The following MPZL1 variants were observed in gnomAD, a reference collection of about 807,000 sequenced individuals.
MPZL1 encodes myelin protein zero like 1, also known as myelin protein zero-like protein 1.
A neutral mutation model predicts 29.3 loss-of-function variants in MPZL1; 16 were observed. The ratio of observed to expected loss-of-function variants is 0.55; its 90% CI spans 0.37 to 0.83. The LOEUF is 0.83. Among genes scored for constraint, MPZL1 ranks in the 40% least tolerant of loss-of-function variants. The pLI is 0.00. For synonymous variants in MPZL1, 143 were observed against 132.0 expected, an observed-to-expected ratio of 1.08 and a Z score of -0.57; for missense variants, 279 against 332.9, an observed-to-expected ratio of 0.84 and a Z score of 1.26.
At chr1:167,736,509 C>T (rs1219248263) in intron 1 of MPZL1, among the ~76,000 whole-genome samples, 2 of 152,132 alleles carry the variant, frequency 1.3e-5, no homozygotes, top group Non-Finnish European at 2.9e-5. Flanking sequence ...TGTGCTTCCT[C>T]CGGCATGCCA....
intron 1 of MPZL1, among the ~76,000 whole-genome samples, chr1:167,727,393 A>T (rs771356248): frequency 3.5e-4 from 54 of 152,326 alleles, no homozygotes; most frequent in Non-Finnish European, 7.1e-4. Context: ...TGTAAGACAT[A>T]CATCTCATGT....
chr1:167,764,276 C>T (rs765215624), intron 1 of MPZL1, among the ~76,000 whole-genome samples: 1 of 152,028 alleles, frequency 6.6e-6, no homozygotes, highest in Non-Finnish European at 1.5e-5. Flanking sequence ...TTGGCAAATA[C>T]TTTTAACAGC....
chr1:167,776,166 G>A lies in MPZL1; in HGVS notation c.708G>A (p.Gln236=). 6.2e-7 allele frequency: 1 copy of A among 1,608,712 alleles called. No individual in the cohort carries two copies. Reference sequence around the variant, plus strand: ...AGAGTCTGCCTTCTGGATCTCACCAGGTAATGGCTGATTGCGATTCTGCCC... The same window carrying A: ...AGAGTCTGCCTTCTGGATCTCACCAAGTAATGGCTGATTGCGATTCTGCCC... ...LVKSLPSGSH[Q]GPVIYAQLDH... Residue 236 remains glutamine, a splice_region_variant and synonymous_variant, in exon 5 of 6, where the codon CAG becomes CAA. Transcript: ENST00000359523.
At chr1:167,772,228 A>G (rs772864419) in intron 2 of MPZL1, 47 bp from the exon 3 acceptor site, 1 of 1,475,908 alleles carries the variant, frequency 6.8e-7, no homozygotes, top group South Asian at 1.2e-5. Context: ...GAGTTTAGGA[A>G]TTCTGCCTTT....
chr1:167,740,659 A>G (rs1660497353), intron 1 of MPZL1, among the ~76,000 whole-genome samples: 1 of 152,124 alleles, frequency 6.6e-6, no homozygotes. Context: ...CCTGTAGTTT[A>G]AAATACTGCC....
At chr1:167,722,991 C>T (rs1345503925) in intron 1 of MPZL1, among the ~76,000 whole-genome samples, 1 of 152,142 alleles carries the variant, frequency 6.6e-6, no homozygotes, top group African/African-American at 2.4e-5. Flanking sequence ...AAAAAAAGCT[C>T]CTTTTTCTTA....
chr1:167,744,056 C>T (rs537784636), intron 1 of MPZL1, among the ~76,000 whole-genome samples: 1 of 152,082 alleles, frequency 6.6e-6, no homozygotes, highest in South Asian at 2.1e-4. Context: ...TCATAGATGG[C>T]TTTTATTACA....
At chr1:167,762,582 C>T (rs1388843385) in intron 1 of MPZL1, among the ~76,000 whole-genome samples, 1 of 152,200 alleles carries the variant, frequency 6.6e-6, no homozygotes, top group Non-Finnish European at 1.5e-5. Context: ...GGCCAAAACT[C>T]GGTGCTTGGC....
chr1:167,724,906 A>G (rs769060889), intron 1 of MPZL1, among the ~76,000 whole-genome samples: 5 of 152,228 alleles, frequency 3.3e-5, no homozygotes, highest in South Asian at 2.1e-4. Flanking sequence ...TTTGGGGTAT[A>G]TGAAACCTGA....
Position 167,791,427 on chromosome 1 carries a change from GTGACA to G in MPZL1, c.*3510_*3514del, listed in dbSNP as rs773211365. 8 of 152,414 alleles carry G rather than the reference GTGACA, an allele frequency of 5.2e-5. No individual in the cohort carries two copies. Among genetic ancestry groups the G allele is most frequent in the Middle Eastern group, 3.4e-3 (1 of 296 alleles). 9.4% of individuals were successfully genotyped at this position (152,414 alleles called of 1,614,324 possible). The stretch of plus-strand genomic sequence containing the variant: ...GCTTGCCACAGGGTGGAGGTGACAG[GTGACA>G]TGAATGGAAGTAACTAGTAGTTACC... On this transcript the variant is annotated 3_prime_UTR_variant, in exon 6 of 6. Coordinates refer to ENST00000359523, the MANE Select transcript of MPZL1 (RefSeq NM_003953.6).
intron 1 of MPZL1, among the ~76,000 whole-genome samples, chr1:167,745,366 G>A (rs1660623984): frequency 6.6e-6 from 1 of 152,068 alleles, no homozygotes; most frequent in Non-Finnish European, 1.5e-5. Context: ...TAAACACCAT[G>A]TCACTAATAG....
intron 5 of MPZL1, among the ~76,000 whole-genome samples, chr1:167,779,674 A>G (rs1387532509): frequency 6.6e-6 from 1 of 152,226 alleles, no homozygotes; most frequent in Non-Finnish European, 1.5e-5. Flanking sequence ...TGACAACAGT[A>G]GTACAAAGGA....
chr1:167,779,944 A>G (rs1046986601), intron 5 of MPZL1, among the ~76,000 whole-genome samples: 1 of 151,806 alleles, frequency 6.6e-6, no homozygotes, highest in Non-Finnish European at 1.5e-5. Flanking sequence ...CATCAGAACA[A>G]GAAATAGAAC....
chr1:167,735,569 A>T (rs973251198), intron 1 of MPZL1, among the ~76,000 whole-genome samples: 1 of 152,058 alleles, frequency 6.6e-6, no homozygotes, highest in African/African-American at 2.4e-5. Flanking sequence ...GCTGGCATAG[A>T]TAGATAGATA....
At chr1:167,779,803 G>A (rs1307636715) in intron 5 of MPZL1, among the ~76,000 whole-genome samples, 2 of 151,964 alleles carry the variant, frequency 1.3e-5, no homozygotes, top group Non-Finnish European at 2.9e-5. Context: ...AGCAAACACT[G>A]AAAAAAATAA....
intron 1 of MPZL1, among the ~76,000 whole-genome samples, chr1:167,754,387 T>C (rs1660824805): frequency 6.6e-6 from 1 of 152,202 alleles, no homozygotes; most frequent in Admixed American, 6.5e-5. Flanking sequence ...CAATAAAAAA[T>C]AGCACACACA....
chr1:167,770,401 C>T (rs1253501588), intron 2 of MPZL1, among the ~76,000 whole-genome samples: 1 of 152,164 alleles, frequency 6.6e-6, no homozygotes, highest in Admixed American at 6.5e-5. Context: ...CTGAGTTTGA[C>T]AAGGTTTACT....
Position 167,746,656 on chromosome 1 carries a change from TG to T in MPZL1, c.92-18924del, listed in dbSNP as rs562466284. ...GTGGCCTGTTTTAGAAGCCTGTTTGTGGGCAAGCTGTGTGACAAAGTTGTTG... is the reference window on the plus strand; with the variant it reads ...GTGGCCTGTTTTAGAAGCCTGTTTGTGGCAAGCTGTGTGACAAAGTTGTTG... On this transcript the variant is annotated intron_variant, in intron 1 of 5. Coordinates refer to ENST00000359523, the MANE Select transcript of MPZL1 (RefSeq NM_003953.6). Among the ~76,000 whole-genome samples the T allele has an allele frequency of 4.4e-3, 670 of 152,276 alleles. 5 individuals are homozygous for T. Among genetic ancestry groups the T allele is most frequent in the Admixed American group, 6.4e-3 (98 of 15,292 alleles).
intron 2 of MPZL1, among the ~76,000 whole-genome samples, chr1:167,769,040 T>A (rs1391066204): frequency 6.6e-6 from 1 of 152,242 alleles, no homozygotes; most frequent in Non-Finnish European, 1.5e-5. Flanking sequence ...AGCTTTGAAA[T>A]CAGAGCTGAG....
Sources: allele counts gnomAD v4.1 joint callset (sites outside exome capture counted in the v4.1 genomes callset), GRCh38; gene constraint gnomAD v4.1.1; transcripts MANE v1.5; gene names NCBI Gene and HGNC (gene_info 2026-07-23, HGNC 2026-07-21).